The following MTMR10 variants were observed in gnomAD, a reference collection of about 807,000 sequenced individuals.
MTMR10 encodes the protein myotubularin related protein 10.
Under a neutral mutation model 88.1 loss-of-function variants are expected in MTMR10, and 56 were observed. The observed-to-expected ratio is 0.64, with a 90% CI of 0.51 to 0.79. The LOEUF is 0.79. Among genes scored for constraint, MTMR10 ranks in the 30% least tolerant of loss-of-function variants. The pLI, the probability that MTMR10 is intolerant of heterozygous loss-of-function variation, is 0.00. For missense variants in MTMR10, 883 were observed against 924.7 expected (o/e 0.95, Z 0.58); for synonymous variants, 380 against 340.9 (o/e 1.11, Z -1.26).
the MTMR10 span, chr15:30,927,876 G>C: frequency 2.4e-5 from 24 of 985,590 alleles, no homozygotes; most frequent in African/African-American, 2.1e-4. Context: ...CTCTGACTCT[G>C]TGACCTCAGC....
chr15:30,980,745 G>C (rs1219214269), intron 2 of MTMR10, among the ~76,000 whole-genome samples: 1 of 151,818 alleles, frequency 6.6e-6, no homozygotes, highest in African/African-American at 2.4e-5. Context: ...GGAAGTGGGG[G>C]TGAAGAAAAG....
chr15:30,926,246 C>T, the MTMR10 span, among the ~76,000 whole-genome samples: 1 of 152,214 alleles, frequency 6.6e-6, no homozygotes, highest in East Asian at 1.9e-4. Flanking sequence ...CCACGGACAC[C>T]CACTTCCATT....
the MTMR10 span, among the ~76,000 whole-genome samples, chr15:30,920,224 A>G: frequency 1.3e-5 from 2 of 152,354 alleles, no homozygotes; most frequent in African/African-American, 4.8e-5. Flanking sequence ...TTTATTAACA[A>G]TTTAAAAACA....
the MTMR10 span, among the ~76,000 whole-genome samples, chr15:30,929,666 TATATAATATATC>T: frequency 1.4e-5 from 1 of 71,274 alleles, no homozygotes; most frequent in Admixed American, 1.7e-4. Context: ...ATATATGAAA[TATATAATATATC>T]ATATAATATA....
intron 5 of MTMR10, among the ~76,000 whole-genome samples, chr15:30,968,545 A>ACACC (rs1256660886): frequency 1.9e-5 from 1 of 54,036 alleles, no homozygotes; most frequent in Admixed American, 2.7e-4. Flanking sequence ...ACACACACAC[A>ACACC]CACACACACA....
chr15:30,939,088 C>G lies in MTMR10; in HGVS notation c.*2382G>C, dbSNP rs2062952106. On this transcript the variant is annotated 3_prime_UTR_variant, in exon 16 of 16. Transcript: ENST00000435680. ...AAAGGTTTTAGTTTTCTCGGGAAAT[C>G]AAGTTTTAACCACTTGAGGTTACTA... 1 of 985,326 alleles carries G rather than the reference C, an allele frequency of 1.0e-6. No homozygotes were observed. The highest frequency in any genetic ancestry group is 1.2e-6 in the Non-Finnish European group (1 of 829,942). The allele number at this position is 985,326 out of a possible 1,614,324, so 61.0% of individuals were successfully genotyped here. A position where few individuals can be genotyped will look rare whatever the true frequency, so the allele number is the denominator to read the frequency against.
chr15:30,968,056 T>TA, intron 5 of MTMR10, 46 bp from the exon 6 acceptor site: 1 of 1,377,866 alleles, frequency 7.3e-7, no homozygotes, highest in Non-Finnish European at 1.0e-6. Context: ...CACACTTAGT[T>TA]AAATGAAATG....
At chr15:30,975,056 G>T (rs965929565) in intron 3 of MTMR10, 53 bp from the exon 4 acceptor site, 49 of 1,310,872 alleles carry the variant, frequency 3.7e-5, no homozygotes, top group Non-Finnish European at 5.1e-5. Flanking sequence ...ATCTCACAAT[G>T]GTAGTATAAG....
intron 2 of MTMR10, among the ~76,000 whole-genome samples, chr15:30,978,082 T>A (rs2030292140): frequency 6.6e-6 from 1 of 152,168 alleles, no homozygotes; most frequent in Non-Finnish European, 1.5e-5. Flanking sequence ...TAATCCCTCA[T>A]GGGACCATGC....
chr15:30,956,223 TAAC>T (rs1169520258), intron 9 of MTMR10: 2 of 152,188 alleles, frequency 1.3e-5, no homozygotes, highest in African/African-American at 2.4e-5. Context: ...AAAAATTAAA[TAAC>T]AAGAATATGC....
At chr15:30,922,161 T>TG in the MTMR10 span, 7 of 1,548,712 alleles carry the variant, frequency 4.5e-6, no homozygotes, top group Non-Finnish European at 4.4e-6. Context: ...TTACCAATCC[T>TG]ATGGGCTTGT....
At chr15:30,959,156 G>C (rs1225126486) in intron 7 of MTMR10, 35 bp from the exon 8 acceptor site, 1 of 1,522,066 alleles carries the variant, frequency 6.6e-7, no homozygotes, top group East Asian at 2.4e-5. Context: ...TGAGTGCTGT[G>C]CTAAAAGCAG....
At chr15:30,935,019 T>C (rs2062814050), downstream of MTMR10, among the ~76,000 whole-genome samples, 1 of 137,628 alleles carries the variant, frequency 7.3e-6, no homozygotes, top group Non-Finnish European at 1.6e-5. Flanking sequence ...AGTCTCATTC[T>C]CCTGCTTGAA....
the MTMR10 span, chr15:30,922,370 A>T: frequency 1.3e-6 from 2 of 1,585,060 alleles, no homozygotes; most frequent in Non-Finnish European, 1.7e-6. Flanking sequence ...CAGTAACAAA[A>T]CATATCTGAA....
At chr15:30,971,263 GA>G (rs561856792) in intron 5 of MTMR10, among the ~76,000 whole-genome samples, 187 of 152,240 alleles carry the variant, frequency 1.2e-3, no homozygotes, top group African/African-American at 4.3e-3. Context: ...TTTTATTGGA[GA>G]AAAAGAAGTA....
At chr15:30,925,902 G>A in the MTMR10 span, 1 of 1,614,246 alleles carries the variant, frequency 6.2e-7, no homozygotes, top group Admixed American at 1.7e-5. Context: ...TGGAGGAGCT[G>A]GCACTGGCCC....
chr15:30,946,933 C>CA lies in MTMR10; in HGVS notation c.1548+196dup, dbSNP rs1160703072. 6.9e-6 allele frequency: 5 copies of CA among 723,796 alleles called. No homozygotes were observed. The East Asian group carries it at 1.2e-4, about 17-fold the overall frequency. 44.8% of individuals were successfully genotyped at this position (723,796 alleles called of 1,614,324 possible). A position where few individuals can be genotyped will look rare whatever the true frequency, so the allele number is the denominator to read the frequency against. ...ACAAAACATTTACATTAGAGTAAAACAAAAAATGTTCATTCATAAAAATAA... is the reference window on the plus strand; with the variant it reads ...ACAAAACATTTACATTAGAGTAAAACAAAAAAATGTTCATTCATAAAAATAA... On this transcript the variant is annotated intron_variant, in intron 14 of 15. Transcript: ENST00000435680.
At position 30,941,363 on chromosome 15, in the gene MTMR10, A is replaced by G. The variant is rs947143862; in HGVS notation, c.*107T>C. On this transcript the variant is annotated 3_prime_UTR_variant, in exon 16 of 16. Coordinates refer to ENST00000435680, the MANE Select transcript of MTMR10 (RefSeq NM_017762.3). ...AATATTAGTGCAAATTCCAACTATT[A>G]TTCTTACATATAAAGTTATTAGAGA... The G allele has an allele frequency of 6.5e-7, 1 of 1,538,060 alleles. No homozygotes were observed. The highest frequency in any genetic ancestry group is 1.4e-5 in the African/African-American group (1 of 72,772).
At chr15:30,932,207 G>A in the MTMR10 span, among the ~76,000 whole-genome samples, 5 of 125,980 alleles carry the variant, frequency 4.0e-5, 1 homozygote, top group African/African-American at 1.6e-4. Flanking sequence ...GGGCAACAGA[G>A]CGAGACTCCA....
Sources: allele counts gnomAD v4.1 joint callset (sites outside exome capture counted in the v4.1 genomes callset), GRCh38; gene constraint gnomAD v4.1.1; transcripts MANE v1.5; gene names NCBI Gene and HGNC (gene_info 2026-07-23, HGNC 2026-07-21).